SCN10A: variants seen among roughly 807,000 people sequenced by gnomAD.
The protein encoded by SCN10A is sodium voltage-gated channel alpha subunit 10.
A neutral mutation model predicts 170.7 loss-of-function variants in SCN10A; 162 were observed. The ratio of observed to expected loss-of-function variants is 0.95; its 90% CI spans 0.84 to 1.08. SCN10A has a LOEUF of 1.08. Ranked by LOEUF, SCN10A falls within the 50% of genes least tolerant of loss-of-function variation. SCN10A has a pLI of 0.00. For missense variants in SCN10A, 2,527 were observed against 2,436.9 expected (o/e 1.04, Z -0.78); for synonymous variants, 985 against 904.6 (o/e 1.09, Z -1.59).
intron 1 of SCN10A, among the ~76,000 whole-genome samples, chr3:38,811,989 C>G (rs906074109): frequency 1.3e-5 from 2 of 152,196 alleles, no homozygotes; most frequent in African/African-American, 4.8e-5. Context: ...ATGAGCCAGG[C>G]AACCAATCAA....
intron 26 of SCN10A, among the ~76,000 whole-genome samples, chr3:38,703,480 T>G (rs376615330): frequency 5.9e-5 from 9 of 152,336 alleles, no homozygotes; most frequent in African/African-American, 2.2e-4. Flanking sequence ...CATTCACTCC[T>G]CAGCCCACAT....
intron 4 of SCN10A, among the ~76,000 whole-genome samples, chr3:38,772,613 C>CG (rs1315412376): frequency 6.6e-6 from 1 of 151,804 alleles, no homozygotes; most frequent in Non-Finnish European, 1.5e-5. Flanking sequence ...GGCGTGAACC[C>CG]GGGAGGCGGA....
Position 38,742,521 on chromosome 3 carries a change from C to T in SCN10A, c.1876G>A (p.Glu626Lys), listed in dbSNP as rs2063645039. The change falls in exon 14 of 28, where the codon GAG becomes AAG. Residue 626 changes from glutamate to lysine, a missense_variant. By Grantham distance (56) the Glu-to-Lys change is moderately conservative. Coordinates refer to ENST00000449082, the MANE Select transcript of SCN10A (RefSeq NM_006514.4). ...CAGGGTGGGCACTTCTGTTCAGACT[C>T]CTCGAGTTCTGCATTATAGTGTGGT... Reference protein sequence around the residue: ...IITSVLEELEESEQKCPPCLT... With the variant: ...IITSVLEELEKSEQKCPPCLT... The T allele has an allele frequency of 3.1e-6, 5 of 1,613,892 alleles. No individual in the cohort carries two copies. The South Asian group carries it at 3.3e-5, about 11-fold the overall frequency.
At chr3:38,743,108 T>C (rs890185174) in intron 13 of SCN10A, among the ~76,000 whole-genome samples, 3 of 152,154 alleles carry the variant, frequency 2.0e-5, no homozygotes, top group African/African-American at 7.2e-5. Flanking sequence ...CACTTCCTCT[T>C]CCCCCGTCTA....
At chr3:38,729,564 C>G (rs1012786326) in intron 15 of SCN10A, among the ~76,000 whole-genome samples, 1 of 152,158 alleles carries the variant, frequency 6.6e-6, no homozygotes, top group African/African-American at 2.4e-5. Context: ...GGCTCTTGCT[C>G]TCATGGAACC....
At chr3:38,780,713 T>C (rs1488858446) in intron 4 of SCN10A, among the ~76,000 whole-genome samples, 1 of 152,096 alleles carries the variant, frequency 6.6e-6, no homozygotes. Flanking sequence ...CTATGGAAAT[T>C]ATGTTATACA....
intron 21 of SCN10A, among the ~76,000 whole-genome samples, chr3:38,717,758 C>T (rs1300410193): frequency 1.3e-5 from 2 of 152,208 alleles, no homozygotes; most frequent in African/African-American, 4.8e-5. Flanking sequence ...TTGAGTGGGG[C>T]AGGCAGAGAC....
chr3:38,776,926 A>G (rs1177864465), intron 4 of SCN10A, among the ~76,000 whole-genome samples: 1 of 152,116 alleles, frequency 6.6e-6, no homozygotes, highest in East Asian at 1.9e-4. Flanking sequence ...ATACTAACAG[A>G]TGAAAGACTA....
chr3:38,728,514 A>G (rs780987748), intron 16 of SCN10A, 28 bp downstream of exon 16: 3 of 1,530,134 alleles, frequency 2.0e-6, no homozygotes, highest in Non-Finnish European at 2.6e-6. Context: ...CCCAGGAGAC[A>G]GTGCCCCCAG....
At chr3:38,702,222 G>A (rs571567928) in intron 26 of SCN10A, 113 bp from the exon 27 acceptor site, 35 of 1,143,262 alleles carry the variant, frequency 3.1e-5, no homozygotes, top group South Asian at 2.6e-4. Flanking sequence ...TAACAGAAGC[G>A]AAATACTATC....
intron 21 of SCN10A, among the ~76,000 whole-genome samples, chr3:38,716,307 G>C (rs946956026): frequency 1.3e-5 from 2 of 152,096 alleles, no homozygotes; most frequent in Non-Finnish European, 2.9e-5. Context: ...TGTTGTGGGA[G>C]GGGAGGGACC....
Position 38,737,056 on chromosome 3 carries a change from C to T in SCN10A, c.2280+2459G>A, listed in dbSNP as rs868824045. Among the ~76,000 whole-genome samples the T allele has an allele frequency of 3.6e-5, 5 of 140,732 alleles. 1 individual carries two copies. The Middle Eastern group carries it at 0.02, about 558-fold the overall frequency. 92.3% of individuals were successfully genotyped at this position (140,732 alleles called of 152,430 possible). A position where few individuals can be genotyped will look rare whatever the true frequency, so the allele number is the denominator to read the frequency against. On this transcript the variant is annotated intron_variant, in intron 15 of 27. Transcript: ENST00000449082. Reference sequence around the variant, plus strand: ...CGCAATCTCGGCTCACTGTAAGCTCCGCCTCCCAGGTTCACGCCATTCTCC... The same window carrying T: ...CGCAATCTCGGCTCACTGTAAGCTCTGCCTCCCAGGTTCACGCCATTCTCC...
At chr3:38,743,509 A>G (rs527386555) in intron 13 of SCN10A, among the ~76,000 whole-genome samples, 15 of 152,260 alleles carry the variant, frequency 9.9e-5, no homozygotes, top group African/African-American at 3.4e-4. Flanking sequence ...TTAACCTTCT[A>G]CAGCTCCTTA....
In SCN10A at chr3:38,771,422, A is replaced by G. The variant is rs1265398032; in HGVS notation, c.471-15T>C. On this transcript the variant is annotated splice_polypyrimidine_tract_variant and intron_variant, in intron 4 of 27. Coordinates refer to ENST00000449082, the MANE Select transcript of SCN10A (RefSeq NM_006514.4). ...TGAAGACATATCTGGGAAGGAGGGTAGAAAAGGAGTGTCAACTGTGCCATG... is the reference window on the plus strand; with the variant it reads ...TGAAGACATATCTGGGAAGGAGGGTGGAAAAGGAGTGTCAACTGTGCCATG... 4 of 1,612,822 alleles carry G rather than the reference A, an allele frequency of 2.5e-6. No homozygotes were observed.
At chr3:38,712,113 A>T in intron 23 of SCN10A, 48 bp downstream of exon 23, 1 of 1,589,570 alleles carries the variant, frequency 6.3e-7, no homozygotes, top group Non-Finnish European at 8.6e-7. Flanking sequence ...TCTCCATTTT[A>T]TTGAGCGGCC....
chr3:38,731,557 A>C (rs1309045528), intron 15 of SCN10A, among the ~76,000 whole-genome samples: 1 of 152,226 alleles, frequency 6.6e-6, no homozygotes, highest in Non-Finnish European at 1.5e-5. Context: ...AGTTTTTAGG[A>C]TAGCAGATAG....
In SCN10A at chr3:38,761,394, A is replaced by T. The variant is rs1318053540; in HGVS notation, c.692-11T>A. 3 of 1,610,230 alleles carry T rather than the reference A, an allele frequency of 1.9e-6. No homozygotes were observed. The highest frequency in any genetic ancestry group is 2.5e-6 in the Non-Finnish European group (3 of 1,177,664). On this transcript the variant is annotated splice_polypyrimidine_tract_variant and intron_variant, in intron 6 of 27. Coordinates refer to ENST00000449082, the MANE Select transcript of SCN10A (RefSeq NM_006514.4). Reference sequence around the variant, plus strand: ...CAATGACCTTCAGGCCTGCGGGAAGATGACAGTGGTATGACCACATGGATG... The same window carrying T: ...CAATGACCTTCAGGCCTGCGGGAAGTTGACAGTGGTATGACCACATGGATG...
chr3:38,731,714 T>A (rs796383620), intron 15 of SCN10A, among the ~76,000 whole-genome samples: 1 of 152,208 alleles, frequency 6.6e-6, no homozygotes, highest in African/African-American at 2.4e-5. Context: ...TTCCACTTCA[T>A]ATTGCATACT....
At chr3:38,712,480 A>AATGCCCC (rs1235104182) in intron 22 of SCN10A, 35 bp from the exon 23 acceptor site, 4 of 1,601,914 alleles carry the variant, frequency 2.5e-6, no homozygotes, top group Non-Finnish European at 3.4e-6. Context: ...GGAACCTCCC[A>AATGCCCC]ATGCCCCACC....
Sources: gnomAD v4.1 joint callset for allele counts (sites outside exome capture counted in the v4.1 genomes callset) on GRCh38, gnomAD v4.1.1 for gene constraint, MANE v1.5 for transcripts, NCBI Gene and HGNC (gene_info 2026-07-23, HGNC 2026-07-21) for gene names.